STON2: variants seen among roughly 807,000 people sequenced by gnomAD.
STON2 encodes stonin 2, also known as stonin-2.
A neutral mutation model predicts 65.7 loss-of-function variants in STON2; 29 were observed. The observed-to-expected ratio is 0.44, with a 90% confidence interval of 0.33 to 0.60. STON2 has a LOEUF of 0.60. Ranked by LOEUF, STON2 falls within the 20% of genes least tolerant of loss-of-function variation. The probability of loss-of-function intolerance (pLI) is 0.03; values close to 1 mark genes in which losing one functional copy is unlikely to be tolerated. For synonymous variants in STON2, 404 were observed against 414.2 expected (o/e 0.98, Z 0.30); for missense variants, 1,054 against 1,118.1 (o/e 0.94, Z 0.82).
chr14:81,420,751 A>G (rs1037959769), intron 2 of STON2, among the ~76,000 whole-genome samples: 1 of 152,358 alleles, frequency 6.6e-6, no homozygotes, highest in African/African-American at 2.4e-5. Flanking sequence ...GATGGTATCT[A>G]TAAGAACAAA....
intron 4 of STON2, among the ~76,000 whole-genome samples, chr14:81,344,560 T>C (rs1002370295): frequency 1.3e-5 from 2 of 152,230 alleles, no homozygotes; most frequent in Non-Finnish European, 2.9e-5. Flanking sequence ...TTTGCTTAGA[T>C]AGCTGGGCTT....
At chr14:81,382,482 T>C (rs530063516) in intron 3 of STON2, among the ~76,000 whole-genome samples, 2 of 152,196 alleles carry the variant, frequency 1.3e-5, no homozygotes, top group South Asian at 4.1e-4. Flanking sequence ...CATGTGTAGG[T>C]AGTAAAACTG....
chr14:81,402,776 C>T (rs778617875), upstream of STON2, among the ~76,000 whole-genome samples: 2 of 152,198 alleles, frequency 1.3e-5, no homozygotes, highest in Non-Finnish European at 2.9e-5. Flanking sequence ...TTGCAAGTCT[C>T]CTACCTGTCT....
chr14:81,314,097 C>T (rs1048036649), intron 5 of STON2, among the ~76,000 whole-genome samples: 1 of 152,234 alleles, frequency 6.6e-6, no homozygotes, highest in Non-Finnish European at 1.5e-5. Flanking sequence ...TTTAAAACAA[C>T]TGCTTTTTCA....
In STON2 at chr14:81,266,574, T is replaced by A; in HGVS notation, c.*1840A>T. 1 of 697,240 alleles carries A rather than the reference T, an allele frequency of 1.4e-6. No individual in the cohort carries two copies. The highest frequency in any genetic ancestry group is 2.0e-5 in the African/African-American group (1 of 51,180). The allele number at this position is 697,240 out of a possible 1,614,324, so 43.2% of individuals were successfully genotyped here. The stretch of plus-strand genomic sequence containing the variant: ...TATGGACACAATCAACTTATTAATG[T>A]CTCTCTTAAAATATGATACCCATAA... On this transcript the variant is annotated 3_prime_UTR_variant, in exon 8 of 8. Coordinates refer to ENST00000614646, the MANE Select transcript of STON2 (RefSeq NM_001394390.1).
At chr14:81,343,988 G>A (rs1347525816) in intron 4 of STON2, among the ~76,000 whole-genome samples, 2 of 152,142 alleles carry the variant, frequency 1.3e-5, no homozygotes, top group Admixed American at 6.5e-5. Flanking sequence ...CCTATGTCCT[G>A]TAAAGAATAC....
chr14:81,338,123 T>C (rs930025761), intron 4 of STON2, among the ~76,000 whole-genome samples: 2 of 152,130 alleles, frequency 1.3e-5, no homozygotes, highest in Admixed American at 6.5e-5. Flanking sequence ...CCTTGGAATT[T>C]CTTGGGTGAA....
At chr14:81,420,595 C>T (rs982461187) in intron 2 of STON2, among the ~76,000 whole-genome samples, 4 of 152,050 alleles carry the variant, frequency 2.6e-5, no homozygotes, top group African/African-American at 2.4e-5. Flanking sequence ...TGTAGCAGTG[C>T]GATGGGTGCA....
At chr14:81,329,279 C>T (rs1380056402) in intron 4 of STON2, among the ~76,000 whole-genome samples, 1 of 152,030 alleles carries the variant, frequency 6.6e-6, no homozygotes, top group Non-Finnish European at 1.5e-5. Context: ...CAGTGAAACC[C>T]CGTCTCTACT....
chr14:81,305,571 A>T (rs1896140519), intron 5 of STON2, among the ~76,000 whole-genome samples: 1 of 152,094 alleles, frequency 6.6e-6, no homozygotes, highest in African/African-American at 2.4e-5. Context: ...TTGTTGATCT[A>T]TAGAAGTTTT....
chr14:81,340,953 T>C (rs1263061129), intron 4 of STON2, among the ~76,000 whole-genome samples: 1 of 151,840 alleles, frequency 6.6e-6, no homozygotes, highest in African/African-American at 2.4e-5. Flanking sequence ...GGTATATTAA[T>C]ATTCTTAATA....
rs74833400 is a variant in STON2 at position 81,304,660 on chromosome 14, G to A, written c.742+19357C>T. Among the ~76,000 whole-genome samples the A allele has an allele frequency of 4.3e-4, 65 of 152,226 alleles. 1 individual carries two copies. The South Asian group carries it at 0.011, about 26-fold the overall frequency. ...TGAGAATTGCTTGAGCCTGGGAGGC[G>A]GGGGTTGCAGTGAGCCAAGATCGCG... On this transcript the variant is annotated intron_variant, in intron 5 of 7. Coordinates refer to ENST00000614646, the MANE Select transcript of STON2 (RefSeq NM_001394390.1).
rs1446885838 is a variant in STON2, at chr14:81,340,628, G to A, written c.572-16441C>T. On this transcript the variant is annotated intron_variant, in intron 4 of 7. Transcript: ENST00000614646. ...AAGCTGTGGCCAGGCCCTGAGTTCT[G>A]GCCAGTAGGATGCACACTTCCACAG... Among the ~76,000 whole-genome samples the A allele has an allele frequency of 2.0e-5, 3 of 152,230 alleles. No individual in the cohort carries two copies. In the East Asian group the frequency reaches 5.8e-4, roughly 29 times the overall value.
intron 4 of STON2, among the ~76,000 whole-genome samples, chr14:81,328,470 G>A (rs1267724434): frequency 2.6e-5 from 4 of 152,098 alleles, no homozygotes; most frequent in Non-Finnish European, 4.4e-5. Flanking sequence ...AGAGAGGTAC[G>A]AAGACATCAA....
At chr14:81,408,927 G>T (rs1013650269) in intron 2 of STON2, among the ~76,000 whole-genome samples, 5 of 152,104 alleles carry the variant, frequency 3.3e-5, no homozygotes, top group African/African-American at 1.2e-4. Flanking sequence ...AGAAGACATT[G>T]ACTTACTCCA....
intron 4 of STON2, among the ~76,000 whole-genome samples, chr14:81,329,757 G>A (rs183951628): frequency 2.0e-5 from 3 of 152,118 alleles, no homozygotes; most frequent in Admixed American, 6.5e-5. Flanking sequence ...GGCTTAAACC[G>A]TTTAGTGGGA....
chr14:81,349,777 C>G (rs8016255), intron 4 of STON2, among the ~76,000 whole-genome samples: 44,840 of 151,932 alleles, frequency 0.3, 7,018 homozygotes, highest in South Asian at 0.42. Context: ...ATCAGCACCC[C>G]CATGTTTATT....
At chr14:81,419,751 C>T (rs1901613149) in intron 2 of STON2, among the ~76,000 whole-genome samples, 2 of 152,204 alleles carry the variant, frequency 1.3e-5, no homozygotes, top group South Asian at 4.1e-4. Flanking sequence ...ATATCTTAGG[C>T]CAGATTCCTT....
intron 5 of STON2, among the ~76,000 whole-genome samples, chr14:81,316,445 G>T (rs958929526): frequency 6.6e-6 from 1 of 152,160 alleles, no homozygotes; most frequent in Non-Finnish European, 1.5e-5. Context: ...AGCACAAATA[G>T]TAGGGAGGCG....
Sources: gnomAD v4.1 joint callset for allele counts (sites outside exome capture counted in the v4.1 genomes callset) on GRCh38, gnomAD v4.1.1 for gene constraint, MANE v1.5 for transcripts, NCBI Gene and HGNC (gene_info 2026-07-23, HGNC 2026-07-21) for gene names.